The following NPAS3 variants were observed in gnomAD, a reference collection of about 807,000 sequenced individuals.
The protein encoded by NPAS3 is neuronal PAS domain-containing protein 3.
A neutral mutation model predicts 73.1 loss-of-function variants in NPAS3; 14 were observed. The ratio of observed to expected loss-of-function variants is 0.19; its 90% CI spans 0.13 to 0.30. NPAS3 has a LOEUF of 0.30. Among genes scored for constraint, NPAS3 ranks in the 10% least tolerant of loss-of-function variants. The pLI is 1.00. For synonymous variants in NPAS3, 620 were observed against 541.5 expected, an observed-to-expected ratio of 1.14 and a Z score of -2.01; for missense variants, 1,096 against 1,250.0, an observed-to-expected ratio of 0.88 and a Z score of 1.86.
intron 4 of NPAS3, among the ~76,000 whole-genome samples, chr14:33,458,666 G>A (rs1057191145): frequency 5.9e-5 from 9 of 152,264 alleles, no homozygotes; most frequent in Non-Finnish European, 8.8e-5. Context: ...GCTGTCTATC[G>A]TTCTTCAGTG....
At chr14:33,634,972 A>T (rs1285239856) in intron 5 of NPAS3, among the ~76,000 whole-genome samples, 1 of 152,216 alleles carries the variant, frequency 6.6e-6, no homozygotes, top group Non-Finnish European at 1.5e-5. Context: ...GGATCCTGTC[A>T]TCAGATTCCA....
exon 5 of NPAS3, chr14:33,560,132 C>A (rs144736542): frequency 5.8e-5 from 50 of 866,008 alleles, no homozygotes; most frequent in Middle Eastern, 2.2e-4. Context: ...CCCTGGATGG[C>A]TTTGTATTTG....
chr14:33,566,605 T>C (rs1390516573), intron 5 of NPAS3, among the ~76,000 whole-genome samples: 2 of 152,158 alleles, frequency 1.3e-5, no homozygotes, highest in African/African-American at 4.8e-5. Flanking sequence ...TCATCTATAT[T>C]GGCAGGGATC....
Position 33,467,623 on chromosome 14 carries a change from G to A in NPAS3, c.469-92498G>A, listed in dbSNP as rs762795178. 3.0e-4 allele frequency among the ~76,000 whole-genome samples: 45 copies of A among 152,316 alleles called. 1 individual carries two copies. The highest frequency in any genetic ancestry group is 5.2e-4 in the Admixed American group (8 of 15,296). ...GGGAGAGCTAACTACCTGGAAATGT[G>A]ACTGGAATTGTCCCTCCCCCGGCTA... is the stretch of plus-strand genomic sequence containing the variant. On this transcript the variant is annotated intron_variant, in intron 4 of 11. Transcript: ENST00000356141.
chr14:33,494,607 G>T (rs2052074941), intron 4 of NPAS3, among the ~76,000 whole-genome samples: 2 of 152,126 alleles, frequency 1.3e-5, no homozygotes, highest in Admixed American at 1.3e-4. Flanking sequence ...AGAGAGACTT[G>T]TTCTAAGAGA....
upstream of NPAS3, among the ~76,000 whole-genome samples, chr14:32,935,285 A>G (rs1349379814): frequency 6.6e-6 from 1 of 152,168 alleles, no homozygotes; most frequent in African/African-American, 2.4e-5. Flanking sequence ...GAAGTCTGAG[A>G]CGCCGCACAA....
At chr14:33,181,751 G>A (rs1046508847) in intron 2 of NPAS3, among the ~76,000 whole-genome samples, 3 of 152,124 alleles carry the variant, frequency 2.0e-5, no homozygotes, top group Non-Finnish European at 4.4e-5. Context: ...TCTCATCTGG[G>A]CTCATGCATA....
chr14:33,270,269 C>T (rs774387926), intron 3 of NPAS3, among the ~76,000 whole-genome samples: 1 of 152,056 alleles, frequency 6.6e-6, no homozygotes, highest in East Asian at 1.9e-4. Flanking sequence ...CAATTGGCAG[C>T]CACACTTTCA....
chr14:32,984,437 A>C (rs2038019410), intron 1 of NPAS3, among the ~76,000 whole-genome samples: 1 of 152,172 alleles, frequency 6.6e-6, no homozygotes, highest in African/African-American at 2.4e-5. Flanking sequence ...AAAGAGATGA[A>C]CTGTAACAGA....
chr14:33,756,011 C>T (rs28380141), intron 7 of NPAS3, among the ~76,000 whole-genome samples: 8,322 of 152,180 alleles, frequency 0.055, 737 homozygotes, highest in African/African-American at 0.19. Flanking sequence ...GTTCTGCCCC[C>T]ATGACCCAAA....
rs546250062 is a variant in NPAS3, at chr14:33,441,913, T to G, written c.468+74645T>G. ...ACATGGGAAAGACCCTCCCCCATGA[T>G]TCAATTACCTCCCCCCAGGTTCCTC... On this transcript the variant is annotated intron_variant, in intron 4 of 11. Transcript: ENST00000356141. 3.3e-5 allele frequency among the ~76,000 whole-genome samples: 5 copies of G among 152,270 alleles called. No homozygotes were observed. The East Asian group carries it at 9.7e-4, about 29-fold the overall frequency.
intron 3 of NPAS3, among the ~76,000 whole-genome samples, chr14:33,364,563 G>A (rs866372887): frequency 4.6e-5 from 7 of 152,136 alleles, no homozygotes; most frequent in African/African-American, 1.7e-4. Context: ...CCATCGAATA[G>A]AATAGCATGA....
At chr14:33,715,986 T>C (rs1009910635) in intron 6 of NPAS3, among the ~76,000 whole-genome samples, 5 of 152,352 alleles carry the variant, frequency 3.3e-5, no homozygotes, top group Admixed American at 1.3e-4. Flanking sequence ...TCCTCATCCA[T>C]GTGGAACTGT....
chr14:32,981,666 G>A (rs1175759960), intron 1 of NPAS3, among the ~76,000 whole-genome samples: 6 of 152,076 alleles, frequency 3.9e-5, no homozygotes, highest in African/African-American at 4.8e-5. Flanking sequence ...TTGTCAAGCC[G>A]AAAAAGATTC....
intron 6 of NPAS3, among the ~76,000 whole-genome samples, chr14:33,729,467 CTAGGA>C (rs1232755454): frequency 6.6e-6 from 1 of 152,136 alleles, no homozygotes; most frequent in African/African-American, 2.4e-5. Flanking sequence ...GGTTAGCGAT[CTAGGA>C]GCAGCTGATC....
intron 4 of NPAS3, 39 bp downstream of exon 4, chr14:33,367,307 T>A: frequency 1.2e-6 from 1 of 812,820 alleles, no homozygotes; most frequent in East Asian, 2.5e-5. Flanking sequence ...TATATTTTAC[T>A]AAGAAAAAAC....
rs1236766783 is a variant in NPAS3 at position 33,051,280 on chromosome 14, CAA to C, written c.51-4609_51-4608del. ...TGGGCAACAGAGCGAGACTCCGTCT[CAA>C]AAAAAAAAAAAAAAAGAGAGACTAA... On this transcript the variant is annotated intron_variant, in intron 1 of 11. Coordinates refer to ENST00000356141, the Ensembl canonical transcript of NPAS3. Among the ~76,000 whole-genome samples the C allele has an allele frequency of 3.0e-4, 19 of 64,236 alleles. 1 individual carries two copies. The highest frequency in any genetic ancestry group is 5.0e-4 in the Admixed American group (3 of 5,974). 42.1% of individuals were successfully genotyped at this position (64,236 alleles called of 152,430 possible). A position where few individuals can be genotyped will look rare whatever the true frequency, so the allele number is the denominator to read the frequency against.
chr14:33,191,974 C>G (rs1260306129), intron 2 of NPAS3, among the ~76,000 whole-genome samples: 1 of 152,088 alleles, frequency 6.6e-6, no homozygotes, highest in African/African-American at 2.4e-5. Flanking sequence ...TTTTTAAAAA[C>G]AGTAATTCAT....
intron 5 of NPAS3, among the ~76,000 whole-genome samples, chr14:33,647,434 T>C (rs1343927232): frequency 6.6e-6 from 1 of 152,120 alleles, no homozygotes; most frequent in Non-Finnish European, 1.5e-5. Flanking sequence ...TGCTGCCTTC[T>C]GTTTCTTACT....
Sources: allele counts gnomAD v4.1 joint callset (sites outside exome capture counted in the v4.1 genomes callset), GRCh38; gene constraint gnomAD v4.1.1; transcripts MANE v1.5; gene names NCBI Gene and HGNC (gene_info 2026-07-23, HGNC 2026-07-21).